The following CNBD1 variants were observed in gnomAD, a reference collection of about 807,000 sequenced individuals.
The protein encoded by CNBD1 is cyclic nucleotide binding domain containing 1.
CNBD1 carries 71 observed loss-of-function variants against 54.4 expected under a neutral mutation model. That is an observed-to-expected ratio of 1.30 (90% CI 1.08 to 1.59). The LOEUF (loss-of-function observed/expected upper bound fraction) is 1.59. Ranked by LOEUF, CNBD1 falls within the 40% of genes most tolerant of loss-of-function variation. The probability of loss-of-function intolerance (pLI) is 0.00; values close to 1 mark genes in which losing one functional copy is unlikely to be tolerated. For synonymous variants in CNBD1, 182 were observed against 170.7 expected, an observed-to-expected ratio of 1.07 and a Z score of -0.51; for missense variants, 659 against 518.0, an observed-to-expected ratio of 1.27 and a Z score of -2.64.
chr8:86,984,000 G>A (rs999858491), intron 4 of CNBD1, among the ~76,000 whole-genome samples: 1 of 152,150 alleles, frequency 6.6e-6, no homozygotes, highest in African/African-American at 2.4e-5. Context: ...AGAGACTTTT[G>A]TGTCAGCCTC....
chr8:87,110,810 G>A (rs1463562791), intron 4 of CNBD1, among the ~76,000 whole-genome samples: 1 of 152,236 alleles, frequency 6.6e-6, no homozygotes, highest in Non-Finnish European at 1.5e-5. Context: ...TCCACCACAT[G>A]TGAATGTAAA....
chr8:87,157,128 C>A (rs894520113), intron 4 of CNBD1, among the ~76,000 whole-genome samples: 1 of 152,104 alleles, frequency 6.6e-6, no homozygotes, highest in Admixed American at 6.6e-5. Context: ...TTTTAAGAAG[C>A]AATCCTCTCC....
At chr8:87,164,669 A>T (rs1812924852) in intron 4 of CNBD1, among the ~76,000 whole-genome samples, 1 of 151,094 alleles carries the variant, frequency 6.6e-6, no homozygotes. Flanking sequence ...TTTTATTTGA[A>T]TCTTCTTTTT....
chr8:87,301,660 TAG>T (rs775397077), intron 8 of CNBD1, among the ~76,000 whole-genome samples: 2 of 151,444 alleles, frequency 1.3e-5, no homozygotes, highest in Non-Finnish European at 2.9e-5. Flanking sequence ...CTGAAGGAAA[TAG>T]AGACACAAAA....
chr8:87,253,681 A>C (rs181636033), intron 6 of CNBD1, among the ~76,000 whole-genome samples: 118 of 152,200 alleles, frequency 7.8e-4, no homozygotes, highest in Admixed American at 1.9e-3. Context: ...GCCGAAATAG[A>C]TAGATTGACA....
At chr8:87,383,449 A>G (rs80290998), downstream of CNBD1, among the ~76,000 whole-genome samples, 2,875 of 152,262 alleles carry the variant, frequency 0.019, 92 homozygotes, top group African/African-American at 0.063. Flanking sequence ...GAGATAAAGA[A>G]CTAAGGCTTT....
At chr8:87,213,704 C>A (rs1814149942) in intron 5 of CNBD1, among the ~76,000 whole-genome samples, 1 of 152,082 alleles carries the variant, frequency 6.6e-6, no homozygotes, top group Non-Finnish European at 1.5e-5. Flanking sequence ...TCACTCCTGG[C>A]CCCTCCCAAA....
chr8:86,931,897 A>G (rs1255953709), intron 3 of CNBD1, among the ~76,000 whole-genome samples: 2 of 152,184 alleles, frequency 1.3e-5, no homozygotes, highest in South Asian at 2.1e-4. Context: ...TATGGTGGAC[A>G]TCATTGAATA....
At chr8:87,069,575 T>G (rs1322159326) in intron 4 of CNBD1, among the ~76,000 whole-genome samples, 1 of 152,080 alleles carries the variant, frequency 6.6e-6, no homozygotes, top group Non-Finnish European at 1.5e-5. Flanking sequence ...AAGGATATTC[T>G]ATGATGTTCA....
At chr8:87,284,852 T>C (rs1298695790) in intron 7 of CNBD1, 37 bp downstream of exon 7, 1 of 1,450,808 alleles carries the variant, frequency 6.9e-7, no homozygotes, top group Non-Finnish European at 9.3e-7. Context: ...AAACAAAAAT[T>C]GGGCATAAAC....
intron 5 of CNBD1, among the ~76,000 whole-genome samples, chr8:87,232,092 G>A (rs1807454811): frequency 6.6e-6 from 1 of 152,052 alleles, no homozygotes; most frequent in African/African-American, 2.4e-5. Context: ...TATCCATGTT[G>A]TATGAATCAA....
chr8:86,894,345 G>A (rs1012048155), intron 2 of CNBD1, among the ~76,000 whole-genome samples: 1 of 152,074 alleles, frequency 6.6e-6, no homozygotes, highest in Non-Finnish European at 1.5e-5. Flanking sequence ...ACAGGCGTGA[G>A]CCACCGCGCC....
intron 4 of CNBD1, among the ~76,000 whole-genome samples, chr8:86,967,279 G>T (rs1296119215): frequency 6.6e-6 from 1 of 152,256 alleles, no homozygotes; most frequent in Non-Finnish European, 1.5e-5. Flanking sequence ...GGCAGATCTT[G>T]CTTGCTGCGG....
At chr8:87,277,556 C>T (rs574505156) in intron 6 of CNBD1, among the ~76,000 whole-genome samples, 21 of 151,718 alleles carry the variant, frequency 1.4e-4, no homozygotes, top group South Asian at 4.2e-4. Flanking sequence ...GTAGAACTTT[C>T]GCCAGTCTCA....
At position 87,217,204 on chromosome 8, in the gene CNBD1, T is replaced by C. The variant is rs137903446; in HGVS notation, c.577+11066T>C. On this transcript the variant is annotated intron_variant, in intron 5 of 10. Coordinates refer to ENST00000518476, the MANE Select transcript of CNBD1 (RefSeq NM_173538.3). Reference sequence around the variant, plus strand: ...TGTGTTTATTTTAAAACTTAGAGCATTGAAAAATGTGATTATATGGCACAT... The same window carrying C: ...TGTGTTTATTTTAAAACTTAGAGCACTGAAAAATGTGATTATATGGCACAT... Among the ~76,000 whole-genome samples, 28 of 152,228 alleles carry C rather than the reference T, an allele frequency of 1.8e-4. No individual in the cohort carries two copies. In the East Asian group the frequency reaches 5.0e-3, roughly 27 times the overall value.
intron 10 of CNBD1, among the ~76,000 whole-genome samples, chr8:87,366,534 C>T (rs1220038747): frequency 6.6e-6 from 1 of 152,052 alleles, no homozygotes; most frequent in East Asian, 1.9e-4. Context: ...TTGGGCTAGG[C>T]CCACCCAGAT....
At chr8:87,398,323 G>C (rs755206492) in intron 2 of CNBD1, among the ~76,000 whole-genome samples, 47 of 151,334 alleles carry the variant, frequency 3.1e-4, no homozygotes, top group Non-Finnish European at 2.5e-4. Flanking sequence ...ATTCCTATTT[G>C]TTGCCAAATA....
chr8:87,204,319 ATC>A (rs1266867570), intron 4 of CNBD1, among the ~76,000 whole-genome samples: 2 of 152,132 alleles, frequency 1.3e-5, no homozygotes, highest in Admixed American at 1.3e-4. Flanking sequence ...CCTTGTGCCC[ATC>A]TCTCTCTTAA....
intron 7 of CNBD1, among the ~76,000 whole-genome samples, chr8:87,285,987 G>A (rs1311238478): frequency 6.6e-6 from 1 of 152,210 alleles, no homozygotes; most frequent in Non-Finnish European, 1.5e-5. Flanking sequence ...GCTGGCATAA[G>A]CCATGGTTCA....
Sources: gnomAD v4.1 joint callset for allele counts (sites outside exome capture counted in the v4.1 genomes callset) on GRCh38, gnomAD v4.1.1 for gene constraint, MANE v1.5 for transcripts, NCBI Gene and HGNC (gene_info 2026-07-23, HGNC 2026-07-21) for gene names.